ZNF385D: variants seen among roughly 807,000 people sequenced by gnomAD.
ZNF385D encodes zinc finger protein 385D.
ZNF385D carries 15 observed loss-of-function variants against 35.8 expected under a neutral mutation model. The ratio of observed to expected loss-of-function variants is 0.42; its 90% CI spans 0.28 to 0.64. ZNF385D has a LOEUF of 0.64. Ranked by LOEUF, ZNF385D falls within the 30% of genes least tolerant of loss-of-function variation. The pLI, the probability that ZNF385D is intolerant of heterozygous loss-of-function variation, is 0.23. For missense variants in ZNF385D, 474 were observed against 494.6 expected, an observed-to-expected ratio of 0.96 and a Z score of 0.39; for synonymous variants, 212 against 186.8, an observed-to-expected ratio of 1.13 and a Z score of -1.10.
intron 3 of ZNF385D, among the ~76,000 whole-genome samples, chr3:21,814,827 A>G (rs1347790106): frequency 3.3e-5 from 5 of 152,132 alleles, no homozygotes; most frequent in South Asian, 2.1e-4. Flanking sequence ...TCTGCACCAA[A>G]CAGACCTAAT....
chr3:21,511,274 TCAA>T (rs1398886502), intron 3 of ZNF385D, among the ~76,000 whole-genome samples: 3 of 152,158 alleles, frequency 2.0e-5, no homozygotes, highest in Non-Finnish European at 2.9e-5. Flanking sequence ...CACTGACACA[TCAA>T]CAACATTTTC....
intron 3 of ZNF385D, among the ~76,000 whole-genome samples, chr3:21,974,865 G>A (rs1452720756): frequency 2.0e-5 from 3 of 152,156 alleles, no homozygotes; most frequent in Non-Finnish European, 2.9e-5. Context: ...CACCTACACT[G>A]AGATATCATC....
intron 4 of ZNF385D, among the ~76,000 whole-genome samples, chr3:21,502,087 T>G: frequency 6.6e-6 from 1 of 152,132 alleles, no homozygotes; most frequent in Non-Finnish European, 1.5e-5. Flanking sequence ...GTAAGGCAAC[T>G]GGGGAACAGC....
At chr3:22,114,652 T>C (rs537500877) in intron 3 of ZNF385D, among the ~76,000 whole-genome samples, 5 of 152,200 alleles carry the variant, frequency 3.3e-5, no homozygotes, top group South Asian at 2.1e-4. Flanking sequence ...GTGTGGATTA[T>C]ATCTCAGAGT....
chr3:21,684,404 CCTCT>C lies in ZNF385D; in HGVS notation c.23-19380_23-19377del, dbSNP rs71044934. ...TCTCTCTCTCTCTCTCTCTCTCTCT[CCTCT>C]CTCTCTCTCTCTCTCTCTCTCTCCT... On this transcript the variant is annotated intron_variant, in intron 1 of 7. Transcript: ENST00000281523. 1.5e-3 allele frequency among the ~76,000 whole-genome samples: 106 copies of C among 70,620 alleles called. 4 individuals carry two copies. Among genetic ancestry groups the C allele is most frequent in the East Asian group, 0.012 (19 of 1,522 alleles). The allele number at this position is 70,620 out of a possible 152,430, so 46.3% of individuals were successfully genotyped here.
In ZNF385D at chr3:21,510,852, T is replaced by C. The variant is rs2125466667; in HGVS notation, c.439+9A>G. 2 of 1,613,862 alleles carry C rather than the reference T, an allele frequency of 1.2e-6. No homozygotes were observed. The highest frequency in any genetic ancestry group is 1.1e-5 in the South Asian group (1 of 91,078). On this transcript the variant is annotated intron_variant, in intron 4 of 7. Coordinates refer to ENST00000281523, the MANE Select transcript of ZNF385D (RefSeq NM_024697.3). Reference sequence around the variant, plus strand: ...ACGAGGACAACAACAACAAAGATCATTGCTTAACCTGTTTTGTCAGAGCTG... The same window carrying C: ...ACGAGGACAACAACAACAAAGATCACTGCTTAACCTGTTTTGTCAGAGCTG...
intron 2 of ZNF385D, among the ~76,000 whole-genome samples, chr3:22,277,946 T>C (rs960458557): frequency 1.3e-5 from 2 of 152,116 alleles, no homozygotes; most frequent in Admixed American, 6.6e-5. Flanking sequence ...CTCTAAAATA[T>C]GTTTAGTATT....
In ZNF385D at chr3:21,747,991, T is replaced by C. The variant is rs74811053; in HGVS notation, c.22+2904A>G. Among the ~76,000 whole-genome samples, 943 of 152,260 alleles carry C rather than the reference T, an allele frequency of 6.2e-3. 17 individuals are homozygous for C. The highest frequency in any genetic ancestry group is 0.022 in the African/African-American group (901 of 41,554). On this transcript the variant is annotated intron_variant, in intron 1 of 7. Coordinates refer to ENST00000281523, the MANE Select transcript of ZNF385D (RefSeq NM_024697.3). ...CCACTCAGGTTGCTGACTGAGATTT[T>C]CCCTGCTTCCTTCTCCCATGTGAAC...
chr3:22,262,215 T>C (rs565822184), intron 2 of ZNF385D, among the ~76,000 whole-genome samples: 2 of 151,872 alleles, frequency 1.3e-5, no homozygotes, highest in Non-Finnish European at 2.9e-5. Flanking sequence ...TAATGAGGTA[T>C]TTTGAGGAAG....
intron 2 of ZNF385D, among the ~76,000 whole-genome samples, chr3:22,317,280 C>CCAAAAAAAAA (rs762613629): frequency 7.7e-5 from 2 of 26,102 alleles, no homozygotes; most frequent in Non-Finnish European, 1.3e-4. Flanking sequence ...ACTCCATCTC[C>CCAAAAAAAAA]AAAAAAAAAA....
chr3:21,474,116 A>AAT (rs1704080094), intron 4 of ZNF385D, among the ~76,000 whole-genome samples: 2 of 18,330 alleles, frequency 1.1e-4, no homozygotes, highest in African/African-American at 6.7e-4. Context: ...ACGTGGAACA[A>AAT]ATTTTTTTTT....
intron 2 of ZNF385D, among the ~76,000 whole-genome samples, chr3:21,620,237 C>A (rs1442447647): frequency 6.6e-6 from 1 of 152,118 alleles, no homozygotes; most frequent in Non-Finnish European, 1.5e-5. Flanking sequence ...GATCTAGGCA[C>A]TGGTCCTCTA....
intron 3 of ZNF385D, among the ~76,000 whole-genome samples, chr3:21,820,328 A>G (rs1022708774): frequency 7.9e-5 from 12 of 151,868 alleles, no homozygotes; most frequent in Admixed American, 1.3e-4. Context: ...AAGAACCAAC[A>G]TAAGAAAATG....
chr3:21,808,283 C>G (rs1381466916), intron 3 of ZNF385D, among the ~76,000 whole-genome samples: 1 of 152,064 alleles, frequency 6.6e-6, no homozygotes, highest in African/African-American at 2.4e-5. Flanking sequence ...GGAAAAGTCC[C>G]CTTCTAACAC....
intron 3 of ZNF385D, among the ~76,000 whole-genome samples, chr3:21,815,091 C>T (rs1051051197): frequency 5.3e-5 from 8 of 152,030 alleles, no homozygotes; most frequent in East Asian, 1.9e-4. Flanking sequence ...CTACTGGGTA[C>T]GTAACGAAAT....
At chr3:21,749,561 A>G (rs553663848) in intron 1 of ZNF385D, among the ~76,000 whole-genome samples, 4 of 152,262 alleles carry the variant, frequency 2.6e-5, no homozygotes, top group Non-Finnish European at 4.4e-5. Context: ...TTAGTGGCCA[A>G]TAAACAAGCT....
chr3:22,242,944 G>C (rs1576551642), intron 2 of ZNF385D, among the ~76,000 whole-genome samples: 6 of 150,754 alleles, frequency 4.0e-5, no homozygotes, highest in Admixed American at 4.0e-4. Context: ...TAGGAGAAAA[G>C]CTACATGTAA....
rs1468447256 is a variant in ZNF385D at position 22,050,910 on chromosome 3, A to AC, written c.325+117906dup. Reference sequence around the variant, plus strand: ...TTTTACATTTGCTGAGGAGAGCTTTACTTCCAACTATGTGGTCAATTTTGG... The same window carrying AC: ...TTTTACATTTGCTGAGGAGAGCTTTACCTTCCAACTATGTGGTCAATTTTGG... On this transcript the variant is annotated intron_variant, in intron 3 of 5. Coordinates refer to the ZNF385D transcript ENST00000494108. Among the ~76,000 whole-genome samples, 3 of 92,890 alleles carry AC rather than the reference A, an allele frequency of 3.2e-5. 1 individual carries two copies. The highest frequency in any genetic ancestry group is 7.8e-5 in the African/African-American group (2 of 25,600). 60.9% of individuals were successfully genotyped at this position (92,890 alleles called of 152,430 possible).
intron 3 of ZNF385D, among the ~76,000 whole-genome samples, chr3:21,540,034 A>T (rs2062134286): frequency 6.6e-6 from 1 of 152,178 alleles, no homozygotes; most frequent in Non-Finnish European, 1.5e-5. Context: ...AAAATAAACA[A>T]AATTAGACTT....
Sources: gnomAD v4.1 joint callset for allele counts (sites outside exome capture counted in the v4.1 genomes callset) on GRCh38, gnomAD v4.1.1 for gene constraint, MANE v1.5 for transcripts, NCBI Gene and HGNC (gene_info 2026-07-23, HGNC 2026-07-21) for gene names.